WDR1: variants seen among roughly 807,000 people sequenced by gnomAD.
The protein encoded by WDR1 is WD repeat domain 1, also known as WD repeat-containing protein 1.
A neutral mutation model predicts 71.9 loss-of-function variants in WDR1; 21 were observed. That is an observed-to-expected ratio of 0.29 (90% CI 0.21 to 0.42). The LOEUF (loss-of-function observed/expected upper bound fraction) is 0.42. Among genes scored for constraint, WDR1 ranks in the 10% least tolerant of loss-of-function variants. The pLI is 1.00. For missense variants in WDR1, 696 were observed against 824.5 expected (o/e 0.84, Z 1.91); for synonymous variants, 424 against 347.4 (o/e 1.22, Z -2.45).
chr4:10,109,717 C>T (rs12498746), intron 2 of WDR1, among the ~76,000 whole-genome samples: 15,962 of 152,216 alleles, frequency 0.1, 1,076 homozygotes, highest in East Asian at 0.31. Context: ...TCTCCTACTC[C>T]CCACCCAGGG....
rs1764748595 is a variant in WDR1 at position 10,075,116 on chromosome 4, G to C, written c.*262C>G. 1 of 478,648 alleles carries C rather than the reference G, an allele frequency of 2.1e-6. No homozygotes were observed. The highest frequency in any genetic ancestry group is 3.7e-6 in the Non-Finnish European group (1 of 271,502). The allele number at this position is 478,648 out of a possible 1,614,324, so 29.7% of individuals were successfully genotyped here. A position where few individuals can be genotyped will look rare whatever the true frequency, so the allele number is the denominator to read the frequency against. ...GAATGTTTCGCATTCTCAAGGTTTG[G>C]TTGGGCTGTGGGTTTTAGTTATGCT... On this transcript the variant is annotated 3_prime_UTR_variant, in exon 15 of 15. Coordinates refer to ENST00000499869, the MANE Select transcript of WDR1 (RefSeq NM_017491.5).
chr4:10,116,133 C>A lies in WDR1; in HGVS notation c.118G>T (p.Val40Phe). The change falls in exon 2 of 15, where the codon GTC becomes TTC. Residue 40 changes from valine (V) to phenylalanine (F), a missense_variant. Val to Phe is a conservative substitution (Grantham distance 50). Transcript: ENST00000499869. The part of the protein sequence containing the change: ...NNFLYTNGKC[V>F]ILRNIDNPAL... ...CTCACGTCGATGTTCCTTAGGATGA[C>A]GCACTTTCCATTGGTGTACAGAAAA... 6.2e-7 allele frequency: 1 copy of A among 1,613,676 alleles called. No homozygotes were observed. The highest frequency in any genetic ancestry group is 8.5e-7 in the Non-Finnish European group (1 of 1,179,766).
chr4:10,090,941 C>T lies in WDR1; in HGVS notation c.559-2200G>A, dbSNP rs145613518. Among the ~76,000 whole-genome samples, 801 of 152,358 alleles carry T rather than the reference C, an allele frequency of 5.3e-3. 7 individuals carry two copies. Among genetic ancestry groups the T allele is most frequent in the Middle Eastern group, 0.02 (6 of 294 alleles). On this transcript the variant is annotated intron_variant, in intron 5 of 14. Transcript: ENST00000499869. ...CTCGTCCTCTGTAGGTTGTGGTCAC[C>T]GCCCAAGAGGACAGGGATGGAAGCA... is the stretch of plus-strand genomic sequence containing the variant.
chr4:10,115,183 G>C (rs1309879880), intron 2 of WDR1, among the ~76,000 whole-genome samples: 2 of 152,174 alleles, frequency 1.3e-5, no homozygotes, highest in Non-Finnish European at 2.9e-5. Context: ...CCAATGGCCG[G>C]GCCGGCACCT....
chr4:10,116,449 C>A, intron 1 of WDR1: 1 of 815,676 alleles, frequency 1.2e-6, no homozygotes. Context: ...CGGCTCGGCC[C>A]ACGGCGCCAA....
chr4:10,103,760 A>C (rs1210688179), intron 3 of WDR1, 136 bp downstream of exon 3: 8 of 648,840 alleles, frequency 1.2e-5, no homozygotes, highest in Admixed American at 5.4e-5. Context: ...CCCTCAACTC[A>C]CCACCCCCAG....
rs560298008 is a variant in WDR1, at chr4:10,079,040, C to T, written c.1285-39G>A. 526 of 1,529,600 alleles carry T rather than the reference C, an allele frequency of 3.4e-4. 9 individuals are homozygous for T. The South Asian group carries it at 5.2e-3, about 15-fold the overall frequency. The allele number at this position is 1,529,600 out of a possible 1,614,324, so 94.8% of individuals were successfully genotyped here. ...AGGCAGCTGGTCAGGCGGTCCAGCC[C>T]TTCGGGACAAAACCCTCAGTGGTAG... On this transcript the variant is annotated intron_variant, in intron 11 of 14. Coordinates refer to ENST00000499869, the MANE Select transcript of WDR1 (RefSeq NM_017491.5).
intron 2 of WDR1, among the ~76,000 whole-genome samples, chr4:10,113,783 G>A (rs1179570397): frequency 6.6e-6 from 1 of 152,242 alleles, no homozygotes; most frequent in African/African-American, 2.4e-5. Context: ...ATTAAAATGT[G>A]GCGCAGTAGC....
In WDR1 at chr4:10,084,725, A is replaced by G. The variant is rs576130192; in HGVS notation, c.952-195T>C. Among the ~76,000 whole-genome samples, 3 of 152,290 alleles carry G rather than the reference A, an allele frequency of 2.0e-5. No homozygotes were observed. The South Asian group carries it at 6.2e-4, about 32-fold the overall frequency. ...CCCACGAGCCCTAAGAAACCTTTCC[A>G]AAGCTACCCAGTCACCTACAGACCC... On this transcript the variant is annotated intron_variant, in intron 8 of 14. Coordinates refer to ENST00000499869, the MANE Select transcript of WDR1 (RefSeq NM_017491.5).
intron 10 of WDR1, 70 bp downstream of exon 10, chr4:10,082,952 C>A: frequency 6.5e-7 from 1 of 1,535,130 alleles, no homozygotes; most frequent in African/African-American, 1.4e-5. Flanking sequence ...ACAGTAACTG[C>A]TGGAGGGCAC....
rs767905779 is a variant in WDR1 at position 10,116,100 on chromosome 4, A to G, written c.138+13T>C. On this transcript the variant is annotated intron_variant, in intron 2 of 14. Transcript: ENST00000499869. ...TCCGGAGCAGAACCGCGCCCGGGGT[A>G]GGGGGTACTCACGTCGATGTTCCTT... The G allele has an allele frequency of 1.2e-6, 2 of 1,610,450 alleles. No individual in the cohort carries two copies. Among genetic ancestry groups the G allele is most frequent in the South Asian group, 1.1e-5 (1 of 90,740 alleles).
intron 5 of WDR1, among the ~76,000 whole-genome samples, chr4:10,093,546 C>T (rs1040006406): frequency 2.6e-5 from 4 of 152,246 alleles, no homozygotes; most frequent in African/African-American, 7.2e-5. Flanking sequence ...ACTGCCTCTC[C>T]CGTCACCCGG....
Position 10,074,890 on chromosome 4 carries a change from A to G in WDR1, c.*488T>C, listed in dbSNP as rs752573824. The G allele has an allele frequency of 2.8e-4, 44 of 159,130 alleles. No homozygotes were observed. Among genetic ancestry groups the G allele is most frequent in the Admixed American group, 1.8e-3 (28 of 15,670 alleles). The allele number at this position is 159,130 out of a possible 1,614,324, so 9.9% of individuals were successfully genotyped here. On this transcript the variant is annotated 3_prime_UTR_variant, in exon 15 of 15. Transcript: ENST00000499869. ...AGCCACAAGGTGTGAGTCACACACT[A>G]GGGAGACAGACATCTGTTCAACACA...
At chr4:10,083,658 A>G (rs373873388) in intron 9 of WDR1, 2 of 476,970 alleles carry the variant, frequency 4.2e-6, no homozygotes, top group Non-Finnish European at 8.4e-6. Flanking sequence ...CACGGTGCTC[A>G]GGGAGGGCAG....
intron 2 of WDR1, among the ~76,000 whole-genome samples, chr4:10,112,751 T>C (rs1053360713): frequency 4.6e-5 from 7 of 152,230 alleles, no homozygotes; most frequent in Non-Finnish European, 1.0e-4. Flanking sequence ...GCCTATTATC[T>C]TCACGACACA....
In WDR1 at chr4:10,075,315, T is replaced by C. The variant is rs1764759413; in HGVS notation, c.*63A>G. ...GCGTCACAGAAATAGAGAAATGACATGTTCCGCTGCAGTTAAACTCTAGTC... is the reference window on the plus strand; with the variant it reads ...GCGTCACAGAAATAGAGAAATGACACGTTCCGCTGCAGTTAAACTCTAGTC... On this transcript the variant is annotated 3_prime_UTR_variant, in exon 15 of 15. Coordinates refer to ENST00000499869, the MANE Select transcript of WDR1 (RefSeq NM_017491.5). 7.5e-6 allele frequency: 11 copies of C among 1,465,968 alleles called. No individual in the cohort carries two copies. In the South Asian group the frequency reaches 1.3e-4, roughly 17 times the overall value. 90.8% of individuals were successfully genotyped at this position (1,465,968 alleles called of 1,614,324 possible).
chr4:10,089,369 G>A (rs1711817964), intron 5 of WDR1, among the ~76,000 whole-genome samples: 1 of 152,216 alleles, frequency 6.6e-6, no homozygotes, highest in Non-Finnish European at 1.5e-5. Context: ...GCCTCCCAAA[G>A]TGCTGGGATT....
At chr4:10,101,062 G>T (rs1273496650) in intron 3 of WDR1, among the ~76,000 whole-genome samples, 2 of 152,260 alleles carry the variant, frequency 1.3e-5, no homozygotes, top group Non-Finnish European at 2.9e-5. Context: ...CAAACCACAC[G>T]CCTGTCACAT....
At chr4:10,098,907 C>G (rs77386977) in intron 4 of WDR1, 85 bp downstream of exon 4, 1 of 1,576,494 alleles carries the variant, frequency 6.3e-7, no homozygotes, top group East Asian at 2.2e-5. Context: ...GTACAGACAT[C>G]AGCGCATCCC....
Sources: allele counts gnomAD v4.1 joint callset (sites outside exome capture counted in the v4.1 genomes callset), GRCh38; gene constraint gnomAD v4.1.1; transcripts MANE v1.5; gene names NCBI Gene and HGNC (gene_info 2026-07-23, HGNC 2026-07-21).